The following TAX1BP1 variants were observed in gnomAD, a reference collection of about 807,000 sequenced individuals.
The protein encoded by TAX1BP1 is Tax1 binding protein 1, also known as tax1-binding protein 1.
Under a neutral mutation model 97.7 loss-of-function variants are expected in TAX1BP1, and 62 were observed. The observed-to-expected ratio is 0.63, with a 90% CI of 0.52 to 0.78. The LOEUF is 0.78. TAX1BP1 is among the 30% of genes least tolerant of loss of function. TAX1BP1 has a pLI of 0.00. For missense variants in TAX1BP1, 867 were observed against 916.1 expected, an observed-to-expected ratio of 0.95 and a Z score of 0.69; for synonymous variants, 340 against 304.2, an observed-to-expected ratio of 1.12 and a Z score of -1.23.
intron 13 of TAX1BP1, among the ~76,000 whole-genome samples, chr7:27,808,546 C>T (rs151154266): frequency 9.9e-5 from 15 of 152,214 alleles, no homozygotes; most frequent in African/African-American, 3.4e-4. Flanking sequence ...GTACTCTCCG[C>T]GCTCCTTTAC....
At chr7:27,755,031 T>A (rs1730718034) in intron 2 of TAX1BP1, among the ~76,000 whole-genome samples, 1 of 152,250 alleles carries the variant, frequency 6.6e-6, no homozygotes. Context: ...TATTTCTCTT[T>A]TGAATCAATG....
intron 10 of TAX1BP1, among the ~76,000 whole-genome samples, chr7:27,793,769 C>T (rs949067769): frequency 6.6e-6 from 1 of 152,108 alleles, no homozygotes; most frequent in African/African-American, 2.4e-5. Flanking sequence ...AATGTGGGTC[C>T]TTAAACTGTG....
intron 5 of TAX1BP1, among the ~76,000 whole-genome samples, chr7:27,770,170 A>G (rs1248073097): frequency 6.6e-6 from 1 of 151,898 alleles, no homozygotes; most frequent in African/African-American, 2.4e-5. Flanking sequence ...TGAATAAAGG[A>G]AAAATGGGAT....
At chr7:27,769,370 G>T (rs1562709746) in intron 4 of TAX1BP1, among the ~76,000 whole-genome samples, 2 of 151,814 alleles carry the variant, frequency 1.3e-5, no homozygotes, top group Non-Finnish European at 2.9e-5. Context: ...GTAATTAACG[G>T]GAACATTAAT....
intron 1 of TAX1BP1, among the ~76,000 whole-genome samples, chr7:27,745,269 C>T (rs1270301922): frequency 3.3e-5 from 5 of 152,178 alleles, no homozygotes; most frequent in Admixed American, 2.6e-4. Flanking sequence ...GGCATTACCA[C>T]AAGGTGATGC....
upstream of TAX1BP1, chr7:27,739,400 G>C (rs1787483562): frequency 6.6e-6 from 1 of 152,180 alleles, no homozygotes; most frequent in South Asian, 2.1e-4. Context: ...TGATGAATTC[G>C]AATGGGACAC....
intron 15 of TAX1BP1, among the ~76,000 whole-genome samples, chr7:27,822,030 G>A (rs1790997428): frequency 6.6e-6 from 1 of 152,168 alleles, no homozygotes; most frequent in Non-Finnish European, 1.5e-5. Flanking sequence ...ATTCTTGTTT[G>A]TTTGGGTGGT....
intron 3 of TAX1BP1, among the ~76,000 whole-genome samples, chr7:27,764,702 G>C (rs1188555168): frequency 6.6e-6 from 1 of 151,900 alleles, no homozygotes; most frequent in Non-Finnish European, 1.5e-5. Flanking sequence ...TCTTGCCTAC[G>C]ATTATTGTGG....
intron 5 of TAX1BP1, among the ~76,000 whole-genome samples, chr7:27,777,158 G>T (rs1227111793): frequency 6.6e-6 from 1 of 151,980 alleles, no homozygotes; most frequent in African/African-American, 2.4e-5. Context: ...CTCATTATGG[G>T]TTATATTTTT....
chr7:27,805,012 G>T (rs1790282563), intron 13 of TAX1BP1, among the ~76,000 whole-genome samples: 1 of 152,084 alleles, frequency 6.6e-6, no homozygotes, highest in Non-Finnish European at 1.5e-5. Flanking sequence ...CTGGTGTTGG[G>T]GTGGTACCTT....
rs1423641600 is a variant in TAX1BP1, at chr7:27,816,419, G to GT, written c.1838dup (p.Lys614GlnfsTer24). ...GGTCAGAATTCCCAGAGTCCTCAAT[G>GT]TTTCAAAACATGCTCAGAGCAAAAT... On this transcript the variant is annotated frameshift_variant, in exon 14 of 17. Coordinates refer to ENST00000396319, the MANE Select transcript of TAX1BP1 (RefSeq NM_006024.7). LOFTEE classifies it high-confidence loss of function. The GT allele has an allele frequency of 6.3e-7, 1 of 1,583,766 alleles. No homozygotes were observed. Among genetic ancestry groups the GT allele is most frequent in the Non-Finnish European group, 8.5e-7 (1 of 1,171,634 alleles).
chr7:27,827,253 T>G (rs1791209995), intron 15 of TAX1BP1, among the ~76,000 whole-genome samples: 1 of 151,766 alleles, frequency 6.6e-6, no homozygotes, highest in Non-Finnish European at 1.5e-5. Context: ...CTCAGGAGGC[T>G]GAGGCATAAG....
chr7:27,803,158 T>C (rs1049441803), intron 13 of TAX1BP1: 7 of 1,547,914 alleles, frequency 4.5e-6, no homozygotes, highest in African/African-American at 4.1e-5. Flanking sequence ...ATTTCACATT[T>C]GGAAAACCTC....
At chr7:27,813,145 CTTTT>C (rs57301512) in intron 13 of TAX1BP1, among the ~76,000 whole-genome samples, 10 of 108,938 alleles carry the variant, frequency 9.2e-5, no homozygotes, top group African/African-American at 1.4e-4. Context: ...CTTTGTTCTG[CTTTT>C]TTTTTTTTTT....
intron 13 of TAX1BP1, among the ~76,000 whole-genome samples, chr7:27,801,824 A>G (rs1382572035): frequency 6.6e-6 from 1 of 152,206 alleles, no homozygotes; most frequent in Non-Finnish European, 1.5e-5. Context: ...CCTATTTTGT[A>G]CTGTTTTGAC....
intron 2 of TAX1BP1, among the ~76,000 whole-genome samples, chr7:27,750,821 T>C (rs1486025519): frequency 6.6e-6 from 1 of 152,212 alleles, no homozygotes; most frequent in African/African-American, 2.4e-5. Flanking sequence ...ACTGCTTACA[T>C]ATTTCTAAAT....
At position 27,747,981 on chromosome 7, in the gene TAX1BP1, A is replaced by G. The variant is rs148533426; in HGVS notation, c.-7-537A>G. The stretch of plus-strand genomic sequence containing the variant: ...GCACAGAGATGTTAGCGTCAGGTTT[A>G]GTTATAGGACCCCAAAACCTAGGGA... On this transcript the variant is annotated intron_variant, in intron 1 of 16. Transcript: ENST00000396319. 2.9e-3 allele frequency among the ~76,000 whole-genome samples: 435 copies of G among 152,136 alleles called. 1 individual carries two copies. The highest frequency in any genetic ancestry group is 5.5e-3 in the African/African-American group (227 of 41,506).
At chr7:27,811,772 A>G (rs111827240) in intron 13 of TAX1BP1, among the ~76,000 whole-genome samples, 1 of 151,600 alleles carries the variant, frequency 6.6e-6, no homozygotes, top group Non-Finnish European at 1.5e-5. Context: ...CCCTCCTGCT[A>G]CCCCCCTGTC....
chr7:27,744,912 C>T (rs1787762869), intron 1 of TAX1BP1, among the ~76,000 whole-genome samples: 1 of 152,278 alleles, frequency 6.6e-6, no homozygotes, highest in East Asian at 1.9e-4. Flanking sequence ...ATACAGTTTA[C>T]AGCATAACAC....
Sources: gnomAD v4.1 joint callset for allele counts (sites outside exome capture counted in the v4.1 genomes callset) on GRCh38, gnomAD v4.1.1 for gene constraint, MANE v1.5 for transcripts, NCBI Gene and HGNC (gene_info 2026-07-23, HGNC 2026-07-21) for gene names.